Variants in ADGRE3 observed in about 807,000 individuals in gnomAD.
ADGRE3 encodes adhesion G protein-coupled receptor E3, also known as EGF-like module receptor 3.
Under a neutral mutation model 80.1 loss-of-function variants are expected in ADGRE3, and 88 were observed. The ratio of observed to expected loss-of-function variants is 1.10; its 90% CI spans 0.93 to 1.31. The LOEUF (loss-of-function observed/expected upper bound fraction) is 1.31, where lower values mean the gene tolerates loss of function less well. Ranked by LOEUF, ADGRE3 falls within the 40% of genes most tolerant of loss-of-function variation. The pLI is 0.00. For synonymous variants in ADGRE3, 281 were observed against 294.8 expected (o/e 0.95, Z 0.48); for missense variants, 715 against 776.5 (o/e 0.92, Z 0.94).
rs552717221 is a variant in ADGRE3, at chr19:14,671,220, TTTA to T, written c.26-2371_26-2369del. ...CTGTAGTGGCTTAAAACAACACTGATTTATTATTCTCTTACAGGTCTGGAAGTC... is the reference window on the plus strand; with the variant it reads ...CTGTAGTGGCTTAAAACAACACTGATTTATTCTCTTACAGGTCTGGAAGTC... On this transcript the variant is annotated intron_variant, in intron 1 of 15. Transcript: ENST00000253673. 7.7e-3 allele frequency among the ~76,000 whole-genome samples: 1,166 copies of T among 152,310 alleles called. 14 individuals carry two copies. Among genetic ancestry groups the T allele is most frequent in the African/African-American group, 0.027 (1,129 of 41,568 alleles).
At chr19:14,657,743 A>AT (rs368474694) in intron 5 of ADGRE3, among the ~76,000 whole-genome samples, 19,723 of 86,476 alleles carry the variant, frequency 0.23, 1,403 homozygotes, top group African/African-American at 0.31. Flanking sequence ...ATATATATAT[A>AT]TATTTTTTTG....
At chr19:14,668,750 C>T (rs758853407) in intron 2 of ADGRE3, 52 bp downstream of exon 2, 1 of 1,539,966 alleles carries the variant, frequency 6.5e-7, no homozygotes, top group South Asian at 1.1e-5. Flanking sequence ...ATGAGTGGCT[C>T]CAGGTCCAGC....
intron 15 of ADGRE3, among the ~76,000 whole-genome samples, chr19:14,620,276 T>A (rs1970502423): frequency 6.6e-6 from 1 of 151,456 alleles, no homozygotes; most frequent in African/African-American, 2.4e-5. Flanking sequence ...GGTCTCAAAC[T>A]CCTGACCTCA....
In ADGRE3 at chr19:14,674,698, T is replaced by C. The variant is rs1253966852; in HGVS notation, c.25+48A>G. 1.9e-6 allele frequency: 3 copies of C among 1,597,522 alleles called. No homozygotes were observed. The African/African-American group carries it at 4.0e-5, about 21-fold the overall frequency. ...ACCAATTGTTGAACCAAGTGGTCCCTGACTGGGGGATAGGTTAAGCCTCAG... is the reference window on the plus strand; with the variant it reads ...ACCAATTGTTGAACCAAGTGGTCCCCGACTGGGGGATAGGTTAAGCCTCAG... On this transcript the variant is annotated intron_variant, in intron 1 of 15. Coordinates refer to ENST00000253673, the MANE Select transcript of ADGRE3 (RefSeq NM_032571.5).
At chr19:14,647,931 G>T (rs375043839) in intron 7 of ADGRE3, among the ~76,000 whole-genome samples, 3 of 151,354 alleles carry the variant, frequency 2.0e-5, no homozygotes, top group African/African-American at 7.3e-5. Flanking sequence ...AAAATACAAA[G>T]ATTAGCTGGT....
rs71309616 is a variant in ADGRE3, at chr19:14,665,936, G to GTATATA, written c.77-2402_77-2397dup. ...ATATATTGCATATACACACATATGT[G>GTATATA]TATATATATATATATATATATATAT... On this transcript the variant is annotated intron_variant, in intron 2 of 15. Transcript: ENST00000253673. Among the ~76,000 whole-genome samples, 412 of 42,012 alleles carry GTATATA rather than the reference G, an allele frequency of 9.8e-3. 10 individuals are homozygous for GTATATA. Among genetic ancestry groups the GTATATA allele is most frequent in the Middle Eastern group, 0.021 (1 of 48 alleles). 27.6% of individuals were successfully genotyped at this position (42,012 alleles called of 152,430 possible). A position where few individuals can be genotyped will look rare whatever the true frequency, so the allele number is the denominator to read the frequency against.
intron 15 of ADGRE3, among the ~76,000 whole-genome samples, chr19:14,625,011 G>A (rs1025117061): frequency 4.6e-5 from 7 of 151,880 alleles, no homozygotes; most frequent in Admixed American, 6.6e-5. Flanking sequence ...ACAGAGTCTC[G>A]CTCTGTCACC....
At chr19:14,646,147 G>A (rs766710729) in intron 8 of ADGRE3, among the ~76,000 whole-genome samples, 3 of 151,640 alleles carry the variant, frequency 2.0e-5, no homozygotes, top group East Asian at 1.9e-4. Flanking sequence ...TTTCTGAGAC[G>A]GAGTCTGACT....
intron 1 of ADGRE3, among the ~76,000 whole-genome samples, chr19:14,669,964 A>G (rs1174771263): frequency 6.6e-6 from 1 of 152,214 alleles, no homozygotes; most frequent in Non-Finnish European, 1.5e-5. Context: ...CCTATTCGGT[A>G]CAATGTTTAA....
rs1971463344 is a variant in ADGRE3, at chr19:14,648,047, A to G, written c.698-682T>C. Among the ~76,000 whole-genome samples, 5 of 137,654 alleles carry G rather than the reference A, an allele frequency of 3.6e-5. No individual in the cohort carries two copies. In the South Asian group the frequency reaches 1.1e-3, roughly 32 times the overall value. 90.3% of individuals were successfully genotyped at this position (137,654 alleles called of 152,430 possible). A position where few individuals can be genotyped will look rare whatever the true frequency, so the allele number is the denominator to read the frequency against. ...AAGTAAGCTGCGATCACGCCACTGC[A>G]CTCCAGTCTGGGTGACAGAGTGAGA... On this transcript the variant is annotated intron_variant, in intron 7 of 15. Transcript: ENST00000253673.
At chr19:14,615,656 G>A (rs1322212076), downstream of ADGRE3, among the ~76,000 whole-genome samples, 1 of 151,630 alleles carries the variant, frequency 6.6e-6, no homozygotes. Context: ...CAGCTACTCA[G>A]GAGGCTGAGG....
At chr19:14,625,935 A>T (rs1023493439) in intron 14 of ADGRE3, among the ~76,000 whole-genome samples, 2 of 152,126 alleles carry the variant, frequency 1.3e-5, no homozygotes, top group Non-Finnish European at 2.9e-5. Flanking sequence ...CCTGGGGGGA[A>T]GGAGAGTGGC....
intron 13 of ADGRE3, among the ~76,000 whole-genome samples, chr19:14,632,594 G>C (rs1318526035): frequency 6.6e-6 from 1 of 152,148 alleles, no homozygotes; most frequent in Admixed American, 6.6e-5. Flanking sequence ...GAGGATGGTG[G>C]AGCAACAAAG....
At chr19:14,607,609 G>A in the ADGRE3 span, among the ~76,000 whole-genome samples, 13 of 145,656 alleles carry the variant, frequency 8.9e-5, no homozygotes, top group Non-Finnish European at 1.7e-4. Flanking sequence ...ACGGAGTCTC[G>A]CTGTCGCTCA....
At chr19:14,612,858 A>T in the ADGRE3 span, among the ~76,000 whole-genome samples, 4 of 152,042 alleles carry the variant, frequency 2.6e-5, no homozygotes. Flanking sequence ...ATAACTCAAC[A>T]TAGTATTCCC....
At chr19:14,630,953 T>G (rs1047457550) in intron 13 of ADGRE3, among the ~76,000 whole-genome samples, 1 of 151,972 alleles carries the variant, frequency 6.6e-6, no homozygotes, top group Admixed American at 6.6e-5. Flanking sequence ...TGCAGTGGTG[T>G]GATCTCAGCT....
At position 14,665,950 on chromosome 19, in the gene ADGRE3, A is replaced by ATATATATATATG. The variant is rs1472210357; in HGVS notation, c.77-2411_77-2410insCATATATATATA. Among the ~76,000 whole-genome samples the ATATATATATATG allele has an allele frequency of 1.4e-4, 16 of 114,196 alleles. 1 individual carries two copies. The highest frequency in any genetic ancestry group is 4.5e-4 in the African/African-American group (15 of 33,300). 74.9% of individuals were successfully genotyped at this position (114,196 alleles called of 152,430 possible). ...CACACATATGTGTATATATATATAT[A>ATATATATATATG]TATATATATATATATATATATATAT... is the stretch of plus-strand genomic sequence containing the variant. On this transcript the variant is annotated intron_variant, in intron 2 of 15. Transcript: ENST00000253673.
At chr19:14,656,798 T>C (rs930697482) in intron 5 of ADGRE3, among the ~76,000 whole-genome samples, 7 of 152,188 alleles carry the variant, frequency 4.6e-5, no homozygotes, top group South Asian at 2.1e-4. Context: ...AAAAGAAAAT[T>C]TGGGGCTGCT....
the ADGRE3 span, among the ~76,000 whole-genome samples, chr19:14,612,018 A>G: frequency 2.0e-5 from 3 of 152,052 alleles, no homozygotes; most frequent in Non-Finnish European, 2.9e-5. Context: ...AAATAAATAA[A>G]AATAAAAATT....
Sources: allele counts gnomAD v4.1 joint callset (sites outside exome capture counted in the v4.1 genomes callset), GRCh38; gene constraint gnomAD v4.1.1; transcripts MANE v1.5; gene names NCBI Gene and HGNC (gene_info 2026-07-23, HGNC 2026-07-21).